LRP1B: variants seen among roughly 807,000 people sequenced by gnomAD.
LRP1B encodes the protein low-density lipoprotein receptor-related protein 1B.
Under a neutral mutation model 556.6 loss-of-function variants are expected in LRP1B, and 217 were observed. That is an observed-to-expected ratio of 0.39 (90% CI 0.35 to 0.44). LRP1B has a LOEUF of 0.44. Ranked by LOEUF, LRP1B falls within the 20% of genes least tolerant of loss-of-function variation. The pLI, the probability that LRP1B is intolerant of heterozygous loss-of-function variation, is 1.00. For missense variants in LRP1B, 5,053 were observed against 5,620.8 expected (o/e 0.90, Z 3.23); for synonymous variants, 2,047 against 1,865.8 (o/e 1.10, Z -2.50).
chr2:140,299,102 A>G (rs1683715734), intron 83 of LRP1B, among the ~76,000 whole-genome samples: 1 of 152,094 alleles, frequency 6.6e-6, no homozygotes, highest in Non-Finnish European at 1.5e-5. Context: ...TAGACACAGA[A>G]GTGTAATTAA....
At chr2:142,057,035 G>T (rs537410869) in intron 1 of LRP1B, among the ~76,000 whole-genome samples, 2 of 152,134 alleles carry the variant, frequency 1.3e-5, no homozygotes, top group African/African-American at 4.8e-5. Flanking sequence ...TACTTTTTAT[G>T]GTTTCTTATT....
At chr2:140,800,220 G>C (rs191872808) in intron 32 of LRP1B, among the ~76,000 whole-genome samples, 160 of 152,138 alleles carry the variant, frequency 1.1e-3, no homozygotes, top group Admixed American at 1.4e-3. Context: ...GACACAGGAA[G>C]GGGAACATCA....
At chr2:140,562,136 G>C (rs553250185) in intron 43 of LRP1B, among the ~76,000 whole-genome samples, 1 of 152,100 alleles carries the variant, frequency 6.6e-6, no homozygotes, top group Non-Finnish European at 1.5e-5. Flanking sequence ...ATACCTAGTG[G>C]TGGTGGTGAT....
At chr2:140,264,610 A>G (rs931493527) in intron 86 of LRP1B, among the ~76,000 whole-genome samples, 2 of 152,034 alleles carry the variant, frequency 1.3e-5, no homozygotes, top group African/African-American at 4.8e-5. Context: ...TCCCATTCCA[A>G]GATACTGGGT....
intron 1 of LRP1B, among the ~76,000 whole-genome samples, chr2:141,818,349 A>T (rs1696627661): frequency 1.3e-5 from 2 of 152,172 alleles, no homozygotes; most frequent in Non-Finnish European, 2.9e-5. Flanking sequence ...CCTGCCTCAG[A>T]AAAATGTACA....
At chr2:142,083,967 T>C (rs373279797) in intron 1 of LRP1B, among the ~76,000 whole-genome samples, 1 of 151,890 alleles carries the variant, frequency 6.6e-6, no homozygotes. Context: ...TATTCTCATC[T>C]CTATTTTCTC....
chr2:142,108,342 A>G (rs1212388674), intron 1 of LRP1B, among the ~76,000 whole-genome samples: 4 of 152,156 alleles, frequency 2.6e-5, no homozygotes, highest in African/African-American at 9.6e-5. Flanking sequence ...TCCAAAATTT[A>G]AAATTAGCTT....
chr2:141,786,674 A>G (rs1041222210), intron 2 of LRP1B, among the ~76,000 whole-genome samples: 4 of 151,838 alleles, frequency 2.6e-5, no homozygotes, highest in Non-Finnish European at 5.9e-5. Flanking sequence ...CACTGGTATG[A>G]GATTGAACTG....
chr2:141,372,230 A>T (rs1689252939), intron 3 of LRP1B, among the ~76,000 whole-genome samples: 1 of 152,128 alleles, frequency 6.6e-6, no homozygotes, highest in Non-Finnish European at 1.5e-5. Flanking sequence ...TCTAAGATAA[A>T]TCCCACCTGA....
chr2:141,920,146 T>G (rs1700144027), intron 1 of LRP1B, among the ~76,000 whole-genome samples: 1 of 151,920 alleles, frequency 6.6e-6, no homozygotes, highest in African/African-American at 2.4e-5. Context: ...TATTACAAAT[T>G]GCTCATGCTT....
At chr2:141,143,010 C>G (rs1057473211) in intron 7 of LRP1B, among the ~76,000 whole-genome samples, 1 of 146,968 alleles carries the variant, frequency 6.8e-6, no homozygotes, top group Admixed American at 7.0e-5. Context: ...CTCACTGCAA[C>G]CTCCGCCTTC....
At chr2:142,005,848 G>A (rs1702784256) in intron 1 of LRP1B, among the ~76,000 whole-genome samples, 1 of 148,724 alleles carries the variant, frequency 6.7e-6, no homozygotes, top group South Asian at 2.1e-4. Context: ...AGGCTTTGGG[G>A]AGAAATGGTC....
At chr2:141,130,683 C>A (rs1194375133) in intron 7 of LRP1B, among the ~76,000 whole-genome samples, 4 of 152,052 alleles carry the variant, frequency 2.6e-5, no homozygotes, top group Non-Finnish European at 4.4e-5. Flanking sequence ...TTTAAAAATT[C>A]ATCAGTAGAA....
intron 3 of LRP1B, among the ~76,000 whole-genome samples, chr2:141,384,302 T>C (rs149719155): frequency 2.0e-4 from 31 of 152,084 alleles, no homozygotes; most frequent in Middle Eastern, 3.4e-3. Context: ...TATAAAGAAA[T>C]AAATAACTCT....
At chr2:141,888,977 A>G (rs12611498) in intron 1 of LRP1B, among the ~76,000 whole-genome samples, 66,062 of 151,934 alleles carry the variant, frequency 0.43, 14,569 homozygotes, top group Admixed American at 0.51. Context: ...AAAATTTATA[A>G]TAATTGAATA....
At chr2:140,595,564 T>C (rs575292040) in intron 43 of LRP1B, among the ~76,000 whole-genome samples, 1 of 152,266 alleles carries the variant, frequency 6.6e-6, no homozygotes, top group East Asian at 1.9e-4. Flanking sequence ...ACAAAGAACG[T>C]TTATTTTACC....
At chr2:140,413,259 A>T (rs1474522260) in intron 66 of LRP1B, among the ~76,000 whole-genome samples, 1 of 152,196 alleles carries the variant, frequency 6.6e-6, no homozygotes, top group East Asian at 1.9e-4. Context: ...CCTAAGAAAA[A>T]ATAAAGTCAT....
At chr2:140,276,783 A>C (rs1682689247) in intron 84 of LRP1B, among the ~76,000 whole-genome samples, 1 of 151,980 alleles carries the variant, frequency 6.6e-6, no homozygotes, top group Non-Finnish European at 1.5e-5. Context: ...AAAGGTTGCC[A>C]TGGTGGATAT....
chr2:140,830,742 T>G (rs548820980), intron 31 of LRP1B, among the ~76,000 whole-genome samples: 1 of 152,030 alleles, frequency 6.6e-6, no homozygotes, highest in Admixed American at 6.6e-5. Context: ...GTACTGGACG[T>G]CCTAGCAAAC....
Sources: gnomAD v4.1 joint callset for allele counts (sites outside exome capture counted in the v4.1 genomes callset) on GRCh38, gnomAD v4.1.1 for gene constraint, MANE v1.5 for transcripts, NCBI Gene and HGNC (gene_info 2026-07-23, HGNC 2026-07-21) for gene names.